Variants in RAB21 observed in about 807,000 individuals in gnomAD.
The protein encoded by RAB21 is RAB21, member RAS oncogene family.
A neutral mutation model predicts 33.1 loss-of-function variants in RAB21; 13 were observed. That is an observed-to-expected ratio of 0.39 (90% CI 0.26 to 0.62). The LOEUF is 0.62. Among genes scored for constraint, RAB21 ranks in the 20% least tolerant of loss-of-function variants. The pLI, the probability that RAB21 is intolerant of heterozygous loss-of-function variation, is 0.48. For synonymous variants in RAB21, 91 were observed against 103.7 expected (o/e 0.88, Z 0.74); for missense variants, 234 against 279.1 (o/e 0.84, Z 1.15).
At chr12:71,781,227 T>A (rs187751819) in intron 4 of RAB21, among the ~76,000 whole-genome samples, 78 of 152,274 alleles carry the variant, frequency 5.1e-4, no homozygotes, top group Admixed American at 1.7e-3. Flanking sequence ...CCTAGCACTT[T>A]GGGAGGCCGA....
Position 71,794,425 on chromosome 12 carries a change from ATATTTTTTTTTTTTTTTTTT to A in RAB21, c.*8754_*8773del, listed in dbSNP as rs1412557767. On this transcript the variant is annotated 3_prime_UTR_variant, in exon 7 of 7. Coordinates refer to ENST00000261263, the MANE Select transcript of RAB21 (RefSeq NM_014999.4). ...ATATATTATATATATATATATATATATATTTTTTTTTTTTTTTTTTTTTTTTTTTTTGAGACGGAGTCTCG... is the reference window on the plus strand; with the variant it reads ...ATATATTATATATATATATATATATATTTTTTTTTTTGAGACGGAGTCTCG... 6.4e-5 allele frequency: 3 copies of A among 46,566 alleles called. No homozygotes were observed. The highest frequency in any genetic ancestry group is 1.0e-4 in the Non-Finnish European group (3 of 29,600). The allele number at this position is 46,566 out of a possible 1,614,324, so 2.9% of individuals were successfully genotyped here.
chr12:71,758,938 T>C (rs1592641926), intron 1 of RAB21, among the ~76,000 whole-genome samples: 1 of 152,200 alleles, frequency 6.6e-6, no homozygotes, highest in East Asian at 1.9e-4. Context: ...TTTCCAACAC[T>C]GAAGTAGAAG....
chr12:71,770,329 T>C (rs1263262366), intron 2 of RAB21, among the ~76,000 whole-genome samples: 1 of 152,160 alleles, frequency 6.6e-6, no homozygotes, highest in Admixed American at 6.5e-5. Flanking sequence ...AACTGGTATT[T>C]TAATGGGGGT....
intron 4 of RAB21, among the ~76,000 whole-genome samples, chr12:71,781,464 G>A (rs1334526232): frequency 2.7e-5 from 4 of 145,612 alleles, no homozygotes; most frequent in African/African-American, 1.0e-4. Context: ...GCGAGACTCC[G>A]TCAAAAAAAA....
intron 2 of RAB21, 77 bp downstream of exon 2, chr12:71,769,936 G>T: frequency 1.5e-6 from 1 of 673,104 alleles, no homozygotes. Context: ...TTGGAGCTTA[G>T]CCAACACTTT....
At position 71,754,927 on chromosome 12, in the gene RAB21, GC is replaced by G; in HGVS notation, c.-201del. On this transcript the variant is annotated 5_prime_UTR_variant, in exon 1 of 7. Transcript: ENST00000261263. ...GATCGTTCTTCGCTTTTCCTCCGGT[GC>G]CTGACGTGGTGGGCTGGGGCCCTTC... 3.9e-6 allele frequency: 1 copy of G among 258,710 alleles called. No homozygotes were observed. The highest frequency in any genetic ancestry group is 6.1e-6 in the Non-Finnish European group (1 of 163,292). 16.0% of individuals were successfully genotyped at this position (258,710 alleles called of 1,614,324 possible). A position where few individuals can be genotyped will look rare whatever the true frequency, so the allele number is the denominator to read the frequency against.
intron 1 of RAB21, among the ~76,000 whole-genome samples, chr12:71,763,790 A>G (rs1882914356): frequency 6.6e-6 from 1 of 152,162 alleles, no homozygotes; most frequent in Non-Finnish European, 1.5e-5. Context: ...AGGGTCCAAG[A>G]ACACTTACTG....
rs1883427294 is a variant in RAB21 at position 71,794,201 on chromosome 12, G to A, written c.*8528G>A. 6.6e-6 allele frequency: 1 copy of A among 150,652 alleles called. No individual in the cohort carries two copies. The highest frequency in any genetic ancestry group is 2.1e-4 in the South Asian group (1 of 4,758). The allele number at this position is 150,652 out of a possible 1,614,324, so 9.3% of individuals were successfully genotyped here. A position where few individuals can be genotyped will look rare whatever the true frequency, so the allele number is the denominator to read the frequency against. On this transcript the variant is annotated 3_prime_UTR_variant, in exon 7 of 7. Transcript: ENST00000261263. Reference sequence around the variant, plus strand: ...CGCACCACTGCACTCCAGCCTGGACGACAGAGTGAGGCCCTGTCTCAAAAA... The same window carrying A: ...CGCACCACTGCACTCCAGCCTGGACAACAGAGTGAGGCCCTGTCTCAAAAA...
rs186680035 is a variant in RAB21 at position 71,785,727 on chromosome 12, C to G, written c.*54C>G. 1,586 of 1,587,484 alleles carry G rather than the reference C, an allele frequency of 1.0e-3. 21 individuals are homozygous for G. The African/African-American group carries it at 0.019, about 19-fold the overall frequency. On this transcript the variant is annotated 3_prime_UTR_variant, in exon 7 of 7. Transcript: ENST00000261263. ...GAACAAAACTGTGGATCATTGCCCT[C>G]AACATGAAGACTGCCATATTCCAAG...
chr12:71,769,943 C>G, intron 2 of RAB21, 84 bp downstream of exon 2: 1 of 439,346 alleles, frequency 2.3e-6, no homozygotes, highest in Non-Finnish European at 3.7e-6. Context: ...TTAGCCAACA[C>G]TTTTTTTTTT....
rs1323302483 is a variant in RAB21 at position 71,786,383 on chromosome 12, G to A, written c.*710G>A. ...ACATTTTTGCAGCCCTTTGTATTTT[G>A]TGGTAGTTGAAATTGTATCACTTCT... On this transcript the variant is annotated 3_prime_UTR_variant, in exon 7 of 7. Transcript: ENST00000261263. 1 of 152,432 alleles carries A rather than the reference G, an allele frequency of 6.6e-6. No individual in the cohort carries two copies. Among genetic ancestry groups the A allele is most frequent in the Non-Finnish European group, 1.5e-5 (1 of 68,016 alleles). 9.4% of individuals were successfully genotyped at this position (152,432 alleles called of 1,614,324 possible).
intron 1 of RAB21, among the ~76,000 whole-genome samples, chr12:71,765,075 C>G (rs1266991636): frequency 1.3e-5 from 2 of 152,144 alleles, no homozygotes; most frequent in Non-Finnish European, 2.9e-5. Context: ...ACGTTCCCAC[C>G]AGCAGTGTAA....
At position 71,782,577 on chromosome 12, in the gene RAB21, G is replaced by GA; in HGVS notation, c.456dup (p.Ser153IlefsTer18). Reference sequence around the variant, plus strand: ...ATGTTACTTTTTTTTAAGGTATGCAGAATCTGTGGGAGCAAAACATTATCA... The same window carrying GA: ...ATGTTACTTTTTTTTAAGGTATGCAGAAATCTGTGGGAGCAAAACATTATCA... On this transcript the variant is annotated frameshift_variant, in exon 6 of 7. Coordinates refer to ENST00000261263, the MANE Select transcript of RAB21 (RefSeq NM_014999.4). LOFTEE classifies it high-confidence loss of function. 6.3e-7 allele frequency: 1 copy of GA among 1,590,140 alleles called. No individual in the cohort carries two copies. Among genetic ancestry groups the GA allele is most frequent in the Non-Finnish European group, 8.6e-7 (1 of 1,165,304 alleles).
At chr12:71,765,713 T>G (rs1273933865) in intron 1 of RAB21, among the ~76,000 whole-genome samples, 1 of 152,154 alleles carries the variant, frequency 6.6e-6, no homozygotes, top group African/African-American at 2.4e-5. Flanking sequence ...TAGGCTATCT[T>G]TTCCCAAATT....
chr12:71,769,781 T>C lies in RAB21; in HGVS notation c.160-19T>C, dbSNP rs1883014032. The C allele has an allele frequency of 8.1e-7, 1 of 1,236,610 alleles. No homozygotes were observed. Among genetic ancestry groups the C allele is most frequent in the Non-Finnish European group, 1.1e-6 (1 of 908,560 alleles). The allele number at this position is 1,236,610 out of a possible 1,614,324, so 76.6% of individuals were successfully genotyped here. On this transcript the variant is annotated intron_variant, in intron 1 of 6. Transcript: ENST00000261263. ...TTATTTTATAAGAAACATTGTTTAA[T>C]GTTTATTTCTCTTTTTAGGCATCAT... is the stretch of plus-strand genomic sequence containing the variant.
At chr12:71,769,409 T>C (rs749107878) in intron 1 of RAB21, among the ~76,000 whole-genome samples, 7 of 152,342 alleles carry the variant, frequency 4.6e-5, no homozygotes, top group South Asian at 4.1e-4. Context: ...TTGAATAATA[T>C]TGATATTTGT....
In RAB21 at chr12:71,786,669, AAT is replaced by A. The variant is rs1194179387; in HGVS notation, c.*1000_*1001del. ...GTGATTATGCCTAGCTTTTTTGACT[AAT>A]ATAAAGATCATAGCTCCCCTTCACT... On this transcript the variant is annotated 3_prime_UTR_variant, in exon 7 of 7. Transcript: ENST00000261263. 6.6e-6 allele frequency: 1 copy of A among 152,624 alleles called. No homozygotes were observed. The highest frequency in any genetic ancestry group is 1.5e-5 in the Non-Finnish European group (1 of 68,028). 9.5% of individuals were successfully genotyped at this position (152,624 alleles called of 1,614,324 possible). A position where few individuals can be genotyped will look rare whatever the true frequency, so the allele number is the denominator to read the frequency against.
At position 71,785,686 on chromosome 12, in the gene RAB21, A is replaced by G; in HGVS notation, c.*13A>G. 1 of 1,613,890 alleles carries G rather than the reference A, an allele frequency of 6.2e-7. No homozygotes were observed. ...TTCTTCTGGATAACTGTTCACGCCT[A>G]AGAAATTAAAAGACAGAACAAAACT... On this transcript the variant is annotated 3_prime_UTR_variant, in exon 7 of 7. Coordinates refer to ENST00000261263, the MANE Select transcript of RAB21 (RefSeq NM_014999.4).
intron 1 of RAB21, among the ~76,000 whole-genome samples, chr12:71,760,859 G>A (rs756156487): frequency 6.6e-6 from 1 of 152,074 alleles, no homozygotes; most frequent in Non-Finnish European, 1.5e-5. Flanking sequence ...AAGTAGTGCT[G>A]TAAGGTTGGC....
Sources: allele counts gnomAD v4.1 joint callset (sites outside exome capture counted in the v4.1 genomes callset), GRCh38; gene constraint gnomAD v4.1.1; transcripts MANE v1.5; gene names NCBI Gene and HGNC (gene_info 2026-07-23, HGNC 2026-07-21).